The following SECISBP2L variants were observed in gnomAD, a reference collection of about 807,000 sequenced individuals.
The protein encoded by SECISBP2L is SECIS binding protein 2 like, also known as selenocysteine insertion sequence-binding protein 2-like.
In SECISBP2L, 43 loss-of-function variants were observed where a neutral mutation model predicts 114.7. That is an observed-to-expected ratio of 0.38 (90% CI 0.29 to 0.48). The LOEUF is 0.48. Among genes scored for constraint, SECISBP2L ranks in the 20% least tolerant of loss-of-function variants. SECISBP2L has a pLI of 0.98. For synonymous variants in SECISBP2L, 451 were observed against 439.7 expected (o/e 1.03, Z -0.32); for missense variants, 1,136 against 1,301.1 (o/e 0.87, Z 1.95).
chr15:49,016,767 C>T, intron 10 of SECISBP2L, 66 bp from the exon 11 acceptor site: 1 of 1,532,018 alleles, frequency 6.5e-7, no homozygotes, highest in African/African-American at 1.4e-5. Flanking sequence ...TTTAAGATGA[C>T]TACATTTATC....
rs146364392 is a variant in SECISBP2L, at chr15:48,995,113, C to T, written c.2623+1254G>A. Among the ~76,000 whole-genome samples, 1,039 of 152,208 alleles carry T rather than the reference C, an allele frequency of 6.8e-3. 6 individuals carry two copies. Among genetic ancestry groups the T allele is most frequent in the Non-Finnish European group, 0.012 (831 of 68,000 alleles). ...ACATCACCTCAATCTCTGAGACTTT[C>T]GTTTTATACTACTTGTGTTTATATG... On this transcript the variant is annotated intron_variant, in intron 17 of 17. Transcript: ENST00000559471.
In SECISBP2L at chr15:49,019,458, G is replaced by A. The variant is rs1184490194; in HGVS notation, c.1130C>T (p.Ser377Phe). 1.3e-6 allele frequency: 2 copies of A among 1,497,518 alleles called. No individual in the cohort carries two copies. 92.8% of individuals were successfully genotyped at this position (1,497,518 alleles called of 1,614,324 possible). A position where few individuals can be genotyped will look rare whatever the true frequency, so the allele number is the denominator to read the frequency against. ...CTCAGAATTTGGATCGCTTCTATGG[G>A]ATTGACTAGAGCTTAAATGCTTATT... ...PDNKHLSSSQSHRSDPNSESL... is the reference protein window; with the variant it reads ...PDNKHLSSSQFHRSDPNSESL... Residue 377 changes from serine (S) to phenylalanine (F), a missense_variant, in exon 8 of 18, where the codon TCC becomes TTC. Physicochemically the swap from Ser to Phe is radical, Grantham distance 155. Around this residue, in one of 2 missense-constraint regions of SECISBP2L, gnomAD observed 452 missense variants for 452.3 expected, o/e 1.00. Transcript: ENST00000559471.
At chr15:49,014,622 A>T (rs961197693) in intron 11 of SECISBP2L, among the ~76,000 whole-genome samples, 2 of 151,966 alleles carry the variant, frequency 1.3e-5, no homozygotes, top group South Asian at 4.2e-4. Context: ...GTCATCACTG[A>T]CCTGTTTCCA....
At chr15:49,027,293 C>A (rs996714891) in intron 7 of SECISBP2L, 72 bp downstream of exon 7, 9 of 1,073,386 alleles carry the variant, frequency 8.4e-6, no homozygotes, top group Middle Eastern at 2.0e-4. Flanking sequence ...ATCCACTACA[C>A]CACTGTAACT....
At position 48,996,364 on chromosome 15, in the gene SECISBP2L, T is replaced by TA; in HGVS notation, c.2623+2dup. On this transcript the variant is annotated splice_region_variant and intron_variant, in intron 17 of 17. Transcript: ENST00000559471. Reference sequence around the variant, plus strand: ...TCATTTAAAATAGTATTCAACAACTTACCATATTCCTTTTCATTTACTTCA... The same window carrying TA: ...TCATTTAAAATAGTATTCAACAACTTAACCATATTCCTTTTCATTTACTTCA... 1 of 1,612,524 alleles carries TA rather than the reference T, an allele frequency of 6.2e-7. No individual in the cohort carries two copies. Among genetic ancestry groups the TA allele is most frequent in the Non-Finnish European group, 8.5e-7 (1 of 1,178,814 alleles).
intron 1 of SECISBP2L, among the ~76,000 whole-genome samples, chr15:49,041,102 C>T (rs1903119853): frequency 6.6e-6 from 1 of 152,094 alleles, no homozygotes; most frequent in Non-Finnish European, 1.5e-5. Context: ...AGAGAGTTGT[C>T]TTCATAAAGG....
chr15:49,007,539 C>A lies in SECISBP2L; in HGVS notation c.2027+1677G>T, dbSNP rs111496680. On this transcript the variant is annotated intron_variant, in intron 14 of 17. Transcript: ENST00000559471. ...AGGCAGTCTGGCTACAGCAGCTTTG[C>A]CGAGCTCAATTCAGATAGATTTTAT... 3.2e-3 allele frequency among the ~76,000 whole-genome samples: 490 copies of A among 152,224 alleles called. 1 individual carries two copies. Among genetic ancestry groups the A allele is most frequent in the African/African-American group, 0.011 (466 of 41,522 alleles).
intron 7 of SECISBP2L, among the ~76,000 whole-genome samples, chr15:49,022,577 G>A (rs1417084403): frequency 6.6e-6 from 1 of 151,856 alleles, no homozygotes; most frequent in Non-Finnish European, 1.5e-5. Context: ...ACTCCAGCCT[G>A]GGCAACAGAG....
intron 17 of SECISBP2L, among the ~76,000 whole-genome samples, chr15:48,993,393 C>T (rs1902030055): frequency 6.6e-6 from 1 of 152,046 alleles, no homozygotes; most frequent in Non-Finnish European, 1.5e-5. Context: ...TGCAAGAGAT[C>T]TTATACCAAT....
chr15:49,043,623 T>TC (rs1555387944), intron 1 of SECISBP2L, among the ~76,000 whole-genome samples: 5 of 147,778 alleles, frequency 3.4e-5, no homozygotes, highest in African/African-American at 1.0e-4. Flanking sequence ...TTTTTTTTTT[T>TC]CAGGGGAAAA....
intron 14 of SECISBP2L, among the ~76,000 whole-genome samples, chr15:49,006,120 G>GT (rs1443952776): frequency 6.6e-6 from 1 of 152,184 alleles, no homozygotes; most frequent in Non-Finnish European, 1.5e-5. Flanking sequence ...GAGACCCGCT[G>GT]TTAGACTGAT....
chr15:49,003,890 C>T lies in SECISBP2L; in HGVS notation c.2028-2793G>A, dbSNP rs528363508. ...ATCGATGTTCATCAGGGATACTGGC[C>T]TGAAATTTTCTTTTTTTGTTGTGTC... On this transcript the variant is annotated intron_variant, in intron 14 of 17. Transcript: ENST00000559471. Among the ~76,000 whole-genome samples the T allele has an allele frequency of 7.2e-5, 11 of 152,282 alleles. No homozygotes were observed. In the South Asian group the frequency reaches 2.3e-3, roughly 32 times the overall value.
At chr15:48,997,794 G>A (rs756126975) in intron 16 of SECISBP2L, among the ~76,000 whole-genome samples, 4 of 152,080 alleles carry the variant, frequency 2.6e-5, no homozygotes, top group Non-Finnish European at 4.4e-5. Context: ...ACTTGAAACC[G>A]GGAGGTGGAG....
chr15:49,046,440 C>A lies in SECISBP2L; in HGVS notation c.-141G>T. 1 of 910,708 alleles carries A rather than the reference C, an allele frequency of 1.1e-6. No homozygotes were observed. The highest frequency in any genetic ancestry group is 1.5e-6 in the Non-Finnish European group (1 of 650,702). 56.4% of individuals were successfully genotyped at this position (910,708 alleles called of 1,614,324 possible). ...GCTGGCCGCGACACCGATTCGGCTA[C>A]GCCACTGGCCGAGGAGGCGGCTCCA... On this transcript the variant is annotated 5_prime_UTR_variant, in exon 1 of 18. Transcript: ENST00000559471.
At chr15:49,014,365 C>T in intron 11 of SECISBP2L, among the ~76,000 whole-genome samples, 1 of 152,108 alleles carries the variant, frequency 6.6e-6, no homozygotes, top group East Asian at 1.9e-4. Flanking sequence ...CCTAATTTTT[C>T]TTTCCCCCAA....
At chr15:48,997,619 C>T (rs761757993) in intron 16 of SECISBP2L, among the ~76,000 whole-genome samples, 2 of 152,154 alleles carry the variant, frequency 1.3e-5, no homozygotes, top group Non-Finnish European at 2.9e-5. Context: ...TGGCTCATGC[C>T]TGTAATCCCA....
chr15:49,039,543 T>C (rs1038552196), intron 1 of SECISBP2L, among the ~76,000 whole-genome samples: 20 of 151,082 alleles, frequency 1.3e-4, no homozygotes, highest in Admixed American at 5.9e-4. Flanking sequence ...TTTTTTTTTT[T>C]AGACAGGGTC....
At chr15:49,021,426 C>A (rs1206104890) in intron 7 of SECISBP2L, among the ~76,000 whole-genome samples, 4 of 152,118 alleles carry the variant, frequency 2.6e-5, no homozygotes, top group African/African-American at 9.7e-5. Flanking sequence ...TTCAAGTTAC[C>A]TCTCTTAAGT....
chr15:49,033,112 A>C lies in SECISBP2L; in HGVS notation c.529-12T>G, dbSNP rs754510244. The stretch of plus-strand genomic sequence containing the variant: ...TGTAAAAGCTGTTGCTGATTTAAAA[A>C]AAAAACAAAAAAACAAAAAACACAC... On this transcript the variant is annotated splice_polypyrimidine_tract_variant and intron_variant, in intron 3 of 17. Coordinates refer to ENST00000559471, the MANE Select transcript of SECISBP2L (RefSeq NM_001193489.2). 2.5e-6 allele frequency: 4 copies of C among 1,600,410 alleles called. No homozygotes were observed. In the South Asian group the frequency reaches 4.6e-5, roughly 18 times the overall value.
Sources: allele counts gnomAD v4.1 joint callset (sites outside exome capture counted in the v4.1 genomes callset), GRCh38; gene constraint gnomAD v4.1.1; regional missense constraint gnomAD v4.1.1; transcripts MANE v1.5; gene names NCBI Gene and HGNC (gene_info 2026-07-23, HGNC 2026-07-21).